The following BMP6 variants were observed in gnomAD, a reference collection of about 807,000 sequenced individuals.
BMP6 encodes the protein VG-1-R.
Under a neutral mutation model 54.1 loss-of-function variants are expected in BMP6, and 17 were observed. The observed-to-expected ratio is 0.31, with a 90% CI of 0.22 to 0.47. The LOEUF (loss-of-function observed/expected upper bound fraction) is 0.47. BMP6 is among the 20% of genes least tolerant of loss of function. BMP6 has a pLI of 1.00. For synonymous variants in BMP6, 328 were observed against 291.2 expected (o/e 1.13, Z -1.28); for missense variants, 720 against 690.4 (o/e 1.04, Z -0.48).
At chr6:7,769,613 C>A (rs1757751972) in intron 1 of BMP6, among the ~76,000 whole-genome samples, 1 of 152,144 alleles carries the variant, frequency 6.6e-6, no homozygotes, top group African/African-American at 2.4e-5. Flanking sequence ...GTAAATCAAG[C>A]ATAGGAAAAC....
At chr6:7,849,152 G>A (rs762900515) in intron 2 of BMP6, among the ~76,000 whole-genome samples, 8 of 152,144 alleles carry the variant, frequency 5.3e-5, no homozygotes, top group Middle Eastern at 3.2e-3. Context: ...ACACCTCCAT[G>A]TCCTTAGGTT....
intron 1 of BMP6, among the ~76,000 whole-genome samples, chr6:7,811,212 T>G (rs1467196813): frequency 6.6e-6 from 1 of 152,222 alleles, no homozygotes; most frequent in Non-Finnish European, 1.5e-5. Context: ...CACAGGCTGC[T>G]GACACCTCTC....
chr6:7,837,148 T>C (rs1304075465), intron 1 of BMP6, among the ~76,000 whole-genome samples: 1 of 152,228 alleles, frequency 6.6e-6, no homozygotes, highest in African/African-American at 2.4e-5. Context: ...TGATTACTTT[T>C]AAAGTAAATA....
At chr6:7,803,466 T>C (rs1758302107) in intron 1 of BMP6, among the ~76,000 whole-genome samples, 1 of 152,128 alleles carries the variant, frequency 6.6e-6, no homozygotes, top group Non-Finnish European at 1.5e-5. Flanking sequence ...TGGCATCAGC[T>C]TGTCTTAATC....
At chr6:7,866,472 T>C (rs933340591) in intron 4 of BMP6, among the ~76,000 whole-genome samples, 1 of 152,236 alleles carries the variant, frequency 6.6e-6, no homozygotes, top group Non-Finnish European at 1.5e-5. Flanking sequence ...TGGGGGACTG[T>C]GATACCACTT....
chr6:7,772,077 A>G (rs943471966), intron 1 of BMP6, among the ~76,000 whole-genome samples: 12 of 151,956 alleles, frequency 7.9e-5, no homozygotes, highest in Non-Finnish European at 1.5e-4. Flanking sequence ...AAAAACAAAA[A>G]AAAACAAACC....
chr6:7,846,494 T>G (rs1297375561), intron 2 of BMP6, among the ~76,000 whole-genome samples: 1 of 152,244 alleles, frequency 6.6e-6, no homozygotes, highest in Non-Finnish European at 1.5e-5. Context: ...CCCTTGTGCA[T>G]ATTTAGGTCT....
At chr6:7,805,431 G>GTT (rs1758333875) in intron 1 of BMP6, among the ~76,000 whole-genome samples, 1 of 152,186 alleles carries the variant, frequency 6.6e-6, no homozygotes, top group Non-Finnish European at 1.5e-5. Context: ...TGAAATTTGT[G>GTT]TTATTTTAAT....
intron 1 of BMP6, among the ~76,000 whole-genome samples, chr6:7,825,824 A>G (rs1426424811): frequency 1.3e-5 from 2 of 152,078 alleles, no homozygotes; most frequent in African/African-American, 2.4e-5. Context: ...TTCCAACCAC[A>G]TGGGCGTCAG....
chr6:7,813,145 ATAT>A (rs1758464889), intron 1 of BMP6, among the ~76,000 whole-genome samples: 1 of 108,714 alleles, frequency 9.2e-6, no homozygotes, highest in African/African-American at 3.6e-5. Flanking sequence ...ATATATATAT[ATAT>A]AAAATTAGTG....
chr6:7,818,824 G>A (rs1255042056), intron 1 of BMP6, among the ~76,000 whole-genome samples: 2 of 152,194 alleles, frequency 1.3e-5, no homozygotes, highest in South Asian at 2.1e-4. Context: ...TTTTAGACAC[G>A]TTGATACTAT....
chr6:7,781,919 G>A (rs2113170045), intron 1 of BMP6, among the ~76,000 whole-genome samples: 1 of 151,564 alleles, frequency 6.6e-6, no homozygotes, highest in East Asian at 1.9e-4. Flanking sequence ...CAAGAGCTGT[G>A]AGTAGTCATG....
At chr6:7,766,247 G>T (rs1042045385) in intron 1 of BMP6, among the ~76,000 whole-genome samples, 1 of 152,144 alleles carries the variant, frequency 6.6e-6, no homozygotes, top group South Asian at 2.1e-4. Context: ...GTTGAGGACT[G>T]TATCTTGTCT....
chr6:7,863,358 C>T (rs548280215), intron 4 of BMP6, among the ~76,000 whole-genome samples: 231 of 152,316 alleles, frequency 1.5e-3, no homozygotes, highest in Middle Eastern at 6.8e-3. Flanking sequence ...AGGAATCTCT[C>T]TCTTTTTCTG....
rs1761723571 is a variant in BMP6, at chr6:7,726,413, G to T, written c.-543G>T. Among the ~76,000 whole-genome samples the T allele has an allele frequency of 6.6e-6, 1 of 152,318 alleles. No homozygotes were observed. Among genetic ancestry groups the T allele is most frequent in the Admixed American group, 6.5e-5 (1 of 15,310 alleles). Reference sequence around the variant, plus strand: ...GACTGGCATTTCGGGACGCCTTGTCGCCGCAGCCTGGGCCCTGCAACGGGG... The same window carrying T: ...GACTGGCATTTCGGGACGCCTTGTCTCCGCAGCCTGGGCCCTGCAACGGGG... On this transcript the variant is annotated 5_prime_UTR_variant, in exon 1 of 7. Transcript: ENST00000283147.
At chr6:7,874,832 ACT>A (rs1759581075) in intron 4 of BMP6, among the ~76,000 whole-genome samples, 1 of 152,046 alleles carries the variant, frequency 6.6e-6, no homozygotes, top group Non-Finnish European at 1.5e-5. Context: ...GCCACCCTGT[ACT>A]CTCTATGCCC....
In BMP6 at chr6:7,727,477, G is replaced by A; in HGVS notation, c.522G>A (p.Pro174=). The change falls in exon 1 of 7, where the codon CCG becomes CCA. Residue 174 remains proline, a synonymous_variant. Coordinates refer to ENST00000283147, the MANE Select transcript of BMP6 (RefSeq NM_001718.6). The part of the protein sequence containing the change: ...EAASSSQRRQ[P]PPGAAHPLNR... ...CCAGCTCGTCCCAGCGTCGGCAGCC[G>A]CCCCCGGGCGCCGCGCACCCGCTCA... 1.3e-6 allele frequency: 2 copies of A among 1,593,166 alleles called. No individual in the cohort carries two copies. Among genetic ancestry groups the A allele is most frequent in the Non-Finnish European group, 1.7e-6 (2 of 1,174,648 alleles).
chr6:7,737,686 T>A (rs980565282), intron 1 of BMP6, among the ~76,000 whole-genome samples: 1 of 152,268 alleles, frequency 6.6e-6, no homozygotes, highest in East Asian at 1.9e-4. Flanking sequence ...GCAACTCCAT[T>A]GCACTTATTT....
In BMP6 at chr6:7,866,094, A is replaced by G. The variant is rs548306207; in HGVS notation, c.1204+3596A>G. On this transcript the variant is annotated intron_variant, in intron 4 of 6. Coordinates refer to ENST00000283147, the MANE Select transcript of BMP6 (RefSeq NM_001718.6). Reference sequence around the variant, plus strand: ...GACTTTCCAAACATGTGCACTGGATAGTGGTTTGGATCGACGTCTCCCTGG... The same window carrying G: ...GACTTTCCAAACATGTGCACTGGATGGTGGTTTGGATCGACGTCTCCCTGG... 2.4e-3 allele frequency among the ~76,000 whole-genome samples: 371 copies of G among 152,324 alleles called. 1 individual carries two copies. Among genetic ancestry groups the G allele is most frequent in the Non-Finnish European group, 4.5e-3 (303 of 68,028 alleles).
Sources: allele counts gnomAD v4.1 joint callset (sites outside exome capture counted in the v4.1 genomes callset), GRCh38; gene constraint gnomAD v4.1.1; transcripts MANE v1.5; gene names NCBI Gene and HGNC (gene_info 2026-07-23, HGNC 2026-07-21).